COLQ: variants seen among roughly 807,000 people sequenced by gnomAD.
COLQ encodes collagen like tail subunit of asymmetric acetylcholinesterase, also known as acetylcholinesterase collagenic tail peptide.
In COLQ, 48 loss-of-function variants were observed where a neutral mutation model predicts 69.0. That is an observed-to-expected ratio of 0.70 (90% CI 0.55 to 0.88). COLQ has a LOEUF of 0.88. Among genes scored for constraint, COLQ ranks in the 40% least tolerant of loss-of-function variants. COLQ has a pLI of 0.00. For missense variants in COLQ, 618 were observed against 594.6 expected (o/e 1.04, Z -0.41); for synonymous variants, 217 against 211.2 (o/e 1.03, Z -0.24).
Position 15,510,407 on chromosome 3 carries a change from A to G in COLQ, c.106+11113T>C, listed in dbSNP as rs73146187. ...CCATTTTACAGATGTGGAAACTGAA[A>G]TATTAAGAAATTAAACCGTGGCTGA... On this transcript the variant is annotated intron_variant, in intron 1 of 16. Transcript: ENST00000383788. 5.4e-3 allele frequency among the ~76,000 whole-genome samples: 819 copies of G among 151,982 alleles called. 5 individuals are homozygous for G. Among genetic ancestry groups the G allele is most frequent in the African/African-American group, 0.018 (752 of 41,466 alleles).
At position 15,500,169 on chromosome 3, in the gene COLQ, GA is replaced by G. The variant is rs909609674; in HGVS notation, c.107-10533del. ...TGAAAGCAGAGACTTGCTATATCAA[GA>G]TGGGAGGAGTGGGAGGTGAGGCTTA... On this transcript the variant is annotated intron_variant, in intron 1 of 16. Coordinates refer to ENST00000383788, the MANE Select transcript of COLQ (RefSeq NM_005677.4). Among the ~76,000 whole-genome samples, 41 of 152,318 alleles carry G rather than the reference GA, an allele frequency of 2.7e-4. 1 individual carries two copies. The highest frequency in any genetic ancestry group is 9.9e-4 in the African/African-American group (41 of 41,562).
At chr3:15,487,546 G>A (rs188937168) in intron 3 of COLQ, among the ~76,000 whole-genome samples, 274 of 152,330 alleles carry the variant, frequency 1.8e-3, no homozygotes, top group Non-Finnish European at 2.7e-3. Context: ...AGGCACTTGG[G>A]AACTAACTGC....
chr3:15,482,817 T>C (rs572341382), intron 3 of COLQ, among the ~76,000 whole-genome samples: 127 of 152,352 alleles, frequency 8.3e-4, no homozygotes, highest in African/African-American at 2.6e-3. Flanking sequence ...CTGGTAGAAT[T>C]TGGCTATGAA....
chr3:15,482,847 T>A lies in COLQ; in HGVS notation c.322-3465A>T, dbSNP rs182055623. Among the ~76,000 whole-genome samples the A allele has an allele frequency of 4.4e-3, 677 of 152,312 alleles. 8 individuals are homozygous for A. Among genetic ancestry groups the A allele is most frequent in the African/African-American group, 0.015 (628 of 41,562 alleles). On this transcript the variant is annotated intron_variant, in intron 3 of 16. Coordinates refer to ENST00000383788, the MANE Select transcript of COLQ (RefSeq NM_005677.4). ...TATGAATCCGTCTGGTCCTGGACTTTTTTTGGTTGGTAGGCTATTAATTAT... is the reference window on the plus strand; with the variant it reads ...TATGAATCCGTCTGGTCCTGGACTTATTTTGGTTGGTAGGCTATTAATTAT...
intron 1 of COLQ, among the ~76,000 whole-genome samples, chr3:15,490,538 T>C (rs963211330): frequency 6.6e-6 from 1 of 152,274 alleles, no homozygotes; most frequent in Non-Finnish European, 1.5e-5. Flanking sequence ...TGTCTTTGGC[T>C]TCTCTCTTTT....
chr3:15,512,747 C>T (rs1387417754), intron 1 of COLQ, among the ~76,000 whole-genome samples: 2 of 152,190 alleles, frequency 1.3e-5, no homozygotes, highest in Admixed American at 1.3e-4. Context: ...ATGCCAGGCA[C>T]TACTGAAAGT....
At position 15,451,501 on chromosome 3, in the gene COLQ, A is replaced by C; in HGVS notation, c.*143T>G. ...ATTCTTCCAGTCAGACTGAGTTAAC[A>C]GCATGTCTTAGTAGCAGGAATTTGT... On this transcript the variant is annotated 3_prime_UTR_variant, in exon 17 of 17. Coordinates refer to ENST00000383788, the MANE Select transcript of COLQ (RefSeq NM_005677.4). 1 of 812,758 alleles carries C rather than the reference A, an allele frequency of 1.2e-6. No individual in the cohort carries two copies. Among genetic ancestry groups the C allele is most frequent in the East Asian group, 2.4e-5 (1 of 41,160 alleles). The allele number at this position is 812,758 out of a possible 1,614,324, so 50.3% of individuals were successfully genotyped here. A position where few individuals can be genotyped will look rare whatever the true frequency, so the allele number is the denominator to read the frequency against.
At chr3:15,469,091 G>A (rs1039860617) in intron 11 of COLQ, among the ~76,000 whole-genome samples, 3 of 152,124 alleles carry the variant, frequency 2.0e-5, no homozygotes, top group Admixed American at 6.5e-5. Context: ...CAACTGGAAC[G>A]ACCCCAACAC....
chr3:15,465,371 G>A (rs1200227887), intron 12 of COLQ, among the ~76,000 whole-genome samples: 20 of 145,238 alleles, frequency 1.4e-4, no homozygotes, highest in East Asian at 4.2e-4. Context: ...GGTTCATGCC[G>A]TTCTCCTGCC....
intron 1 of COLQ, among the ~76,000 whole-genome samples, chr3:15,519,866 C>T (rs146271583): frequency 6.6e-6 from 1 of 152,186 alleles, no homozygotes; most frequent in Non-Finnish European, 1.5e-5. Context: ...CCCCAGTTTG[C>T]AGATGAGAAG....
At chr3:15,472,527 G>C (rs1189943432) in intron 10 of COLQ, among the ~76,000 whole-genome samples, 5 of 152,176 alleles carry the variant, frequency 3.3e-5, no homozygotes, top group African/African-American at 1.2e-4. Context: ...CATCCCCTTT[G>C]CATGTTTGAA....
chr3:15,466,900 G>T (rs567077453), intron 11 of COLQ, among the ~76,000 whole-genome samples: 1 of 152,104 alleles, frequency 6.6e-6, no homozygotes, highest in Non-Finnish European at 1.5e-5. Flanking sequence ...CCCTTCTCAA[G>T]ACCCTTCTCT....
intron 1 of COLQ, among the ~76,000 whole-genome samples, chr3:15,495,021 C>T (rs1476145416): frequency 1.3e-5 from 2 of 152,148 alleles, no homozygotes; most frequent in Admixed American, 1.3e-4. Flanking sequence ...AGAGGTTAAG[C>T]AATTTGTCCG....
intron 1 of COLQ, among the ~76,000 whole-genome samples, chr3:15,499,901 G>T (rs1027499271): frequency 5.3e-5 from 8 of 152,212 alleles, no homozygotes; most frequent in Non-Finnish European, 1.0e-4. Context: ...AGCCGACTTT[G>T]ATAGTTTGCT....
chr3:15,504,175 A>G (rs1395471887), intron 1 of COLQ, among the ~76,000 whole-genome samples: 4 of 152,196 alleles, frequency 2.6e-5, no homozygotes, highest in Non-Finnish European at 5.9e-5. Flanking sequence ...AAGATTAATA[A>G]ACAGATATAT....
intron 1 of COLQ, among the ~76,000 whole-genome samples, chr3:15,516,979 T>C (rs2063071733): frequency 6.6e-6 from 1 of 152,116 alleles, no homozygotes; most frequent in African/African-American, 2.4e-5. Flanking sequence ...CCATCTCTAC[T>C]AAAAATACAA....
At chr3:15,471,728 T>C (rs2062291148) in intron 10 of COLQ, among the ~76,000 whole-genome samples, 3 of 152,242 alleles carry the variant, frequency 2.0e-5, no homozygotes, top group African/African-American at 7.2e-5. Flanking sequence ...TGAAATTATC[T>C]GTCAGCTCAG....
intron 13 of COLQ, 105 bp downstream of exon 13, chr3:15,458,081 G>T: frequency 7.8e-7 from 1 of 1,290,252 alleles, no homozygotes; most frequent in Non-Finnish European, 1.1e-6. Flanking sequence ...ACTCAGAGTC[G>T]TGAAAAAAAG....
At chr3:15,465,128 C>T (rs916215545) in intron 12 of COLQ, among the ~76,000 whole-genome samples, 7 of 151,940 alleles carry the variant, frequency 4.6e-5, no homozygotes, top group South Asian at 2.1e-4. Flanking sequence ...GAGCCAAGAT[C>T]GCACCACTGC....
Sources: allele counts gnomAD v4.1 joint callset (sites outside exome capture counted in the v4.1 genomes callset), GRCh38; gene constraint gnomAD v4.1.1; transcripts MANE v1.5; gene names NCBI Gene and HGNC (gene_info 2026-07-23, HGNC 2026-07-21).